NEK10: variants seen among roughly 807,000 people sequenced by gnomAD.
The protein encoded by NEK10 is serine/threonine-protein kinase Nek10.
Under a neutral mutation model 159.8 loss-of-function variants are expected in NEK10, and 122 were observed. That is an observed-to-expected ratio of 0.76 (90% confidence interval 0.66 to 0.89). The LOEUF (loss-of-function observed/expected upper bound fraction) is 0.89. Among genes scored for constraint, NEK10 ranks in the 40% least tolerant of loss-of-function variants. NEK10 has a pLI of 0.00. For synonymous variants in NEK10, 466 were observed against 457.1 expected, an observed-to-expected ratio of 1.02 and a Z score of -0.25; for missense variants, 1,342 against 1,323.1, an observed-to-expected ratio of 1.01 and a Z score of -0.22.
Position 27,311,013 on chromosome 3 carries a change from AT to A in NEK10, c.571del (p.Ile191PhefsTer24). The stretch of plus-strand genomic sequence containing the variant: ...TTTGACTGCAGCAAGTTTTTGAAAA[AT>A]ATCTATAAAGGAAAGAAAGAGCGCA... The part of the protein sequence containing the change: ...TVDKLVNMTY[I>X]FQKLAAVKDQ... On this transcript the variant is annotated frameshift_variant and splice_region_variant, in exon 9 of 36. Transcript: ENST00000691995. LOFTEE classifies it high-confidence loss of function. The A allele has an allele frequency of 6.2e-7, 1 of 1,605,454 alleles. No homozygotes were observed. The highest frequency in any genetic ancestry group is 8.5e-7 in the Non-Finnish European group (1 of 1,172,452).
At chr3:27,297,496 C>T (rs140874749) in intron 13 of NEK10, among the ~76,000 whole-genome samples, 5 of 152,300 alleles carry the variant, frequency 3.3e-5, no homozygotes, top group African/African-American at 9.6e-5. Flanking sequence ...GCACTTTCTT[C>T]GTACCAGGAG....
intron 31 of NEK10, among the ~76,000 whole-genome samples, chr3:27,135,455 G>A (rs953031239): frequency 6.6e-5 from 10 of 152,052 alleles, no homozygotes; most frequent in East Asian, 1.9e-4. Flanking sequence ...AATGAAAGCC[G>A]ATCTGCATGT....
At chr3:27,160,234 C>T (rs191646501) in intron 30 of NEK10, among the ~76,000 whole-genome samples, 72 of 152,274 alleles carry the variant, frequency 4.7e-4, no homozygotes, top group African/African-American at 1.3e-3. Flanking sequence ...TTGGTCCAAA[C>T]GTACTACTTT....
At chr3:27,165,039 C>T (rs1946357389) in intron 29 of NEK10, among the ~76,000 whole-genome samples, 1 of 152,100 alleles carries the variant, frequency 6.6e-6, no homozygotes, top group South Asian at 2.1e-4. Flanking sequence ...CTTTAATAAA[C>T]TTTAGGGAAT....
At chr3:27,139,730 C>A (rs112130932) in intron 31 of NEK10, among the ~76,000 whole-genome samples, 21 of 152,230 alleles carry the variant, frequency 1.4e-4, no homozygotes, top group African/African-American at 4.6e-4. Flanking sequence ...GGGTAAAATG[C>A]CAGAGCTTCT....
intron 5 of NEK10, among the ~76,000 whole-genome samples, chr3:27,334,805 AG>A (rs2046681022): frequency 6.6e-6 from 1 of 152,228 alleles, no homozygotes; most frequent in African/African-American, 2.4e-5. Flanking sequence ...TGCAGATGTC[AG>A]TGTAAGAACA....
At chr3:27,328,234 A>C (rs375517411) in intron 5 of NEK10, among the ~76,000 whole-genome samples, 2 of 152,330 alleles carry the variant, frequency 1.3e-5, no homozygotes, top group East Asian at 3.9e-4. Context: ...GTACTGTTAT[A>C]AGCCCAGGAG....
intron 23 of NEK10, chr3:27,214,819 C>T: frequency 1.2e-5 from 13 of 1,096,914 alleles, no homozygotes; most frequent in Non-Finnish European, 1.8e-5. Context: ...ACATATTTTC[C>T]GTGTAGAAGA....
chr3:27,166,209 C>T (rs7618042), intron 29 of NEK10, among the ~76,000 whole-genome samples: 95,553 of 152,042 alleles, frequency 0.63, 31,973 homozygotes, highest in African/African-American at 0.88. Context: ...TAGCTTTGAG[C>T]TCTCCTATTT....
At chr3:27,180,872 T>C (rs964816171) in intron 26 of NEK10, among the ~76,000 whole-genome samples, 27 of 152,266 alleles carry the variant, frequency 1.8e-4, no homozygotes, top group African/African-American at 6.3e-4. Flanking sequence ...ACCTATATCA[T>C]TTTAAAGCCT....
At chr3:27,246,672 A>T (rs1955098038) in intron 23 of NEK10, among the ~76,000 whole-genome samples, 1 of 152,008 alleles carries the variant, frequency 6.6e-6, no homozygotes, top group African/African-American at 2.4e-5. Context: ...ATACCCATTA[A>T]TCACCCCAAT....
chr3:27,331,964 G>T (rs755520786), intron 5 of NEK10, among the ~76,000 whole-genome samples: 5 of 151,998 alleles, frequency 3.3e-5, no homozygotes, highest in Non-Finnish European at 7.4e-5. Flanking sequence ...TTGCAAATAA[G>T]GTCATACTAA....
At chr3:27,209,689 G>T (rs1453875685) in intron 23 of NEK10, among the ~76,000 whole-genome samples, 1 of 152,130 alleles carries the variant, frequency 6.6e-6, no homozygotes, top group African/African-American at 2.4e-5. Context: ...CCACAGCAAA[G>T]GTGGGCCACG....
intron 31 of NEK10, among the ~76,000 whole-genome samples, chr3:27,138,444 C>T (rs1213550455): frequency 6.6e-6 from 1 of 152,132 alleles, no homozygotes; most frequent in Non-Finnish European, 1.5e-5. Context: ...TGTGGGAGTG[C>T]CCAATTCTAT....
intron 6 of NEK10, among the ~76,000 whole-genome samples, chr3:27,319,286 G>A (rs1559494615): frequency 2.0e-5 from 3 of 152,164 alleles, no homozygotes; most frequent in Middle Eastern, 3.4e-3. Context: ...ACGTGTCTTC[G>A]TTTAATTCTG....
chr3:27,254,025 C>G (rs1955924424), intron 23 of NEK10, among the ~76,000 whole-genome samples: 1 of 152,158 alleles, frequency 6.6e-6, no homozygotes, highest in South Asian at 2.1e-4. Flanking sequence ...GCTGAGGGCT[C>G]CCCCTTGTGA....
intron 26 of NEK10, among the ~76,000 whole-genome samples, chr3:27,177,403 G>A (rs974737218): frequency 2.0e-5 from 3 of 151,884 alleles, no homozygotes; most frequent in African/African-American, 7.3e-5. Flanking sequence ...AAATTAGCCG[G>A]GCATGGTGGT....
Position 27,364,547 on chromosome 3 carries a change from T to C in NEK10, c.-38+4678A>G, listed in dbSNP as rs539155727. ...CCGGCCATGTATTTATTTTAAATCATTTGTCTATATTCATTGACTTTGACT... is the reference window on the plus strand; with the variant it reads ...CCGGCCATGTATTTATTTTAAATCACTTGTCTATATTCATTGACTTTGACT... On this transcript the variant is annotated intron_variant, in intron 1 of 35. Coordinates refer to ENST00000691995, the MANE Select transcript of NEK10 (RefSeq NM_001394966.1). Among the ~76,000 whole-genome samples, 14 of 152,350 alleles carry C rather than the reference T, an allele frequency of 9.2e-5. No individual in the cohort carries two copies. The South Asian group carries it at 1.5e-3, about 16-fold the overall frequency.
chr3:27,355,263 C>G (rs766340697), intron 1 of NEK10, among the ~76,000 whole-genome samples: 24 of 152,152 alleles, frequency 1.6e-4, no homozygotes, highest in Non-Finnish European at 1.6e-4. Context: ...TATCTGCCCC[C>G]TCTCCCAAGG....
Sources: allele counts gnomAD v4.1 joint callset (sites outside exome capture counted in the v4.1 genomes callset), GRCh38; gene constraint gnomAD v4.1.1; transcripts MANE v1.5; gene names NCBI Gene and HGNC (gene_info 2026-07-23, HGNC 2026-07-21).